The following LMO7 variants were observed in gnomAD, a reference collection of about 807,000 sequenced individuals.
LMO7 encodes the protein LIM domain 7, also known as LIM domain only protein 7.
A neutral mutation model predicts 206.5 loss-of-function variants in LMO7; 120 were observed. The ratio of observed to expected loss-of-function variants is 0.58; its 90% CI spans 0.50 to 0.68. The LOEUF (loss-of-function observed/expected upper bound fraction) is 0.68. LMO7 is among the 30% of genes least tolerant of loss of function. The pLI is 0.00. For missense variants in LMO7, 1,959 were observed against 1,957.9 expected (o/e 1.00, Z -0.01); for synonymous variants, 706 against 681.5 (o/e 1.04, Z -0.56).
intron 1 of LMO7, among the ~76,000 whole-genome samples, chr13:75,653,686 A>G (rs1244968211): frequency 6.6e-6 from 1 of 152,226 alleles, no homozygotes; most frequent in Non-Finnish European, 1.5e-5. Context: ...TACAACTGGT[A>G]GCAGTCTGTA....
At chr13:75,707,912 T>C (rs1416534904) in intron 1 of LMO7, among the ~76,000 whole-genome samples, 1 of 152,038 alleles carries the variant, frequency 6.6e-6, no homozygotes, top group Non-Finnish European at 1.5e-5. Context: ...CTTTCTATCA[T>C]CTTTTTGGGG....
At chr13:75,737,075 T>C (rs561478639) in intron 3 of LMO7, among the ~76,000 whole-genome samples, 1 of 152,248 alleles carries the variant, frequency 6.6e-6, no homozygotes, top group Admixed American at 6.5e-5. Context: ...TATTTGGGAA[T>C]AGAGTTGTTG....
chr13:75,737,768 A>C (rs1594652939), intron 3 of LMO7, among the ~76,000 whole-genome samples: 1 of 7,172 alleles, frequency 1.4e-4, no homozygotes, highest in Non-Finnish European at 2.9e-4. Flanking sequence ...AAAAAAAAAT[A>C]AAATAAAATA....
upstream of LMO7, chr13:75,631,531 G>A (rs2034946857): frequency 9.9e-6 from 1 of 100,714 alleles, no homozygotes; most frequent in African/African-American, 3.5e-5. Flanking sequence ...CCTGTGAAAG[G>A]AAGAGGGAAG....
intron 1 of LMO7, among the ~76,000 whole-genome samples, chr13:75,647,569 CT>C (rs1392032597): frequency 1.3e-5 from 2 of 152,022 alleles, no homozygotes; most frequent in Non-Finnish European, 2.9e-5. Flanking sequence ...CATCATGAAA[CT>C]TTGGGGTGTT....
intron 17 of LMO7, 59 bp from the exon 18 acceptor site, chr13:75,835,174 C>T (rs773372819): frequency 2.4e-5 from 38 of 1,597,456 alleles, no homozygotes; most frequent in Non-Finnish European, 2.6e-5. Flanking sequence ...ACCAACCTTC[C>T]CTGCCATTTA....
chr13:75,623,661 C>T (rs549515229), intron 2 of LMO7, among the ~76,000 whole-genome samples: 146 of 150,650 alleles, frequency 9.7e-4, no homozygotes, highest in Non-Finnish European at 1.6e-3. Context: ...CTGTGCCTGA[C>T]CAAGCATTAA....
Position 75,807,883 on chromosome 13 carries a change from G to GC in LMO7, c.1604dup (p.Asp536ArgfsTer2), listed in dbSNP as rs755775006. The GC allele has an allele frequency of 6.2e-7, 1 of 1,613,922 alleles. No homozygotes were observed. Among genetic ancestry groups the GC allele is most frequent in the East Asian group, 2.2e-5 (1 of 44,878 alleles). On this transcript the variant is annotated frameshift_variant, in exon 10 of 31. Coordinates refer to ENST00000377534, the MANE Select transcript of LMO7 (RefSeq NM_001306080.2). LOFTEE classifies it high-confidence loss of function. ...GAAGAAAGAAGTGCCGCTGTCTGGG[G>GC]CCCCAGATAGATACCACCCAGTCCC...
At position 75,761,017 on chromosome 13, in the gene LMO7, T is replaced by C. The variant is rs760547351; in HGVS notation, c.296T>C (p.Leu99Ser). ...QLFHPGDLQD[L>S]SNRVTVKQEE... ...TTCCATCCTGGAGATCTACAGGATT[T>C]ATCAAATCGAGTCACTGTCAAGTAA... The change falls in exon 4 of 31, where the codon TTA (leucine) becomes TCA (serine). Residue 99 changes from leucine to serine, a missense_variant. By Grantham distance (145) the Leu-to-Ser change is moderately radical. Coordinates refer to ENST00000377534, the MANE Select transcript of LMO7 (RefSeq NM_001306080.2). 6.2e-7 allele frequency: 1 copy of C among 1,611,056 alleles called. No homozygotes were observed. Among genetic ancestry groups the C allele is most frequent in the Admixed American group, 1.7e-5 (1 of 59,810 alleles).
chr13:75,693,570 G>A (rs2041662101), intron 1 of LMO7, among the ~76,000 whole-genome samples: 1 of 152,194 alleles, frequency 6.6e-6, no homozygotes, highest in Non-Finnish European at 1.5e-5. Flanking sequence ...TCCATGCTCT[G>A]TTCCAGGACA....
At chr13:75,834,741 C>T (rs1182746389) in intron 17 of LMO7, among the ~76,000 whole-genome samples, 2 of 152,056 alleles carry the variant, frequency 1.3e-5, no homozygotes, top group Non-Finnish European at 2.9e-5. Flanking sequence ...GCATCATAAC[C>T]ATATTGGTAT....
At chr13:75,690,982 A>C (rs2041423838) in intron 1 of LMO7, among the ~76,000 whole-genome samples, 1 of 152,134 alleles carries the variant, frequency 6.6e-6, no homozygotes, top group African/African-American at 2.4e-5. Context: ...TTACACATAA[A>C]ATTTTTATAC....
intron 11 of LMO7, among the ~76,000 whole-genome samples, chr13:75,814,042 A>C (rs2138078080): frequency 6.6e-6 from 1 of 152,316 alleles, no homozygotes; most frequent in East Asian, 1.9e-4. Flanking sequence ...AAATTCACAC[A>C]AATCAGCTTT....
At position 75,804,142 on chromosome 13, in the gene LMO7, C is replaced by A. The variant is rs1595136516; in HGVS notation, c.662-147C>A. ...TTCCTCCTAATGGATCTTATCACAA[C>A]TTCGTGACAAATTTCTAAAAATATT... On this transcript the variant is annotated intron_variant, in intron 7 of 30. Coordinates refer to ENST00000377534, the MANE Select transcript of LMO7 (RefSeq NM_001306080.2). 1.1e-5 allele frequency: 9 copies of A among 803,786 alleles called. No homozygotes were observed. In the East Asian group the frequency reaches 2.1e-4, roughly 18 times the overall value. The allele number at this position is 803,786 out of a possible 1,614,324, so 49.8% of individuals were successfully genotyped here. A position where few individuals can be genotyped will look rare whatever the true frequency, so the allele number is the denominator to read the frequency against.
At position 75,658,190 on chromosome 13, in the gene LMO7, T is replaced by G. The variant is rs534626917; in HGVS notation, c.69+21464T>G. Among the ~76,000 whole-genome samples, 10 of 152,324 alleles carry G rather than the reference T, an allele frequency of 6.6e-5. No individual in the cohort carries two copies. The East Asian group carries it at 1.7e-3, about 26-fold the overall frequency. On this transcript the variant is annotated intron_variant, in intron 1 of 30. Coordinates refer to ENST00000377534, the MANE Select transcript of LMO7 (RefSeq NM_001306080.2). The stretch of plus-strand genomic sequence containing the variant: ...CATCTCTTTTTGAGTTCTCTCTAAC[T>G]CGTTTTTCTCCTGCTGTACCAGTAT...
chr13:75,714,026 C>A (rs1594461040), intron 2 of LMO7, among the ~76,000 whole-genome samples: 1 of 152,274 alleles, frequency 6.6e-6, no homozygotes, highest in Non-Finnish European at 1.5e-5. Context: ...TTTGAAAGCA[C>A]TTAATTATTT....
At chr13:75,621,483 G>GT (rs2033309160) in exon 1 of LMO7, 2 of 300,980 alleles carry the variant, frequency 6.6e-6, no homozygotes, top group Admixed American at 9.9e-5. Flanking sequence ...AAAGAATGCT[G>GT]TTTTTCTTTT....
chr13:75,837,501 A>G (rs1466337606), intron 19 of LMO7, among the ~76,000 whole-genome samples: 3 of 152,056 alleles, frequency 2.0e-5, no homozygotes, highest in African/African-American at 7.2e-5. Flanking sequence ...TCATAGGTAC[A>G]TTTTATGCCA....
chr13:75,679,178 C>A (rs1252825605), intron 1 of LMO7, among the ~76,000 whole-genome samples: 1 of 152,116 alleles, frequency 6.6e-6, no homozygotes, highest in Admixed American at 6.5e-5. Flanking sequence ...ACTTTAGTGA[C>A]AGATTAAAAT....
Sources: allele counts gnomAD v4.1 joint callset (sites outside exome capture counted in the v4.1 genomes callset), GRCh38; gene constraint gnomAD v4.1.1; transcripts MANE v1.5; gene names NCBI Gene and HGNC (gene_info 2026-07-23, HGNC 2026-07-21).